The following USP9X variants were observed in gnomAD, a reference collection of about 807,000 sequenced individuals.
The protein encoded by USP9X is ubiquitin specific peptidase 9 X-linked, also known as ubiquitin carboxyl-terminal hydrolase 9X.
In USP9X, 7 loss-of-function variants were observed where a neutral mutation model predicts 190.3. That is an observed-to-expected ratio of 0.04 (90% CI 0.02 to 0.07). The LOEUF is 0.07. USP9X is among the 10% of genes least tolerant of loss of function. The pLI is 1.00. For missense variants in USP9X, 1,010 were observed against 1,916.9 expected (o/e 0.53, Z 8.83); for synonymous variants, 645 against 659.5 (o/e 0.98, Z 0.34).
At chrX:41,197,802 A>G (rs758712073) in intron 29 of USP9X, among the ~76,000 whole-genome samples, 2 of 110,252 alleles carry the variant, frequency 1.8e-5, no homozygotes, top group South Asian at 7.8e-4. Flanking sequence ...CTTGAGCCCA[A>G]GAGTTGAAGA....
At chrX:41,102,910 A>G (rs773702447) in intron 1 of USP9X, among the ~76,000 whole-genome samples, 2 of 110,627 alleles carry the variant, frequency 1.8e-5, no homozygotes, top group Non-Finnish European at 3.8e-5. Context: ...TCCCTGCTTC[A>G]ACTTCCCTAG....
intron 40 of USP9X, 42 bp from the exon 41 acceptor site, chrX:41,225,007 T>C: frequency 5.8e-6 from 7 of 1,208,617 alleles, no homozygotes; most frequent in Non-Finnish European, 6.7e-6. Flanking sequence ...TGATTTGTTA[T>C]TCCTTTCATT....
At chrX:41,191,110 C>T (rs1169907538) in intron 26 of USP9X, among the ~76,000 whole-genome samples, 1 of 110,440 alleles carries the variant, frequency 9.1e-6, no homozygotes, top group Non-Finnish European at 1.9e-5. Context: ...GGTGGATCAC[C>T]TGAGGTCAGG....
chrX:41,129,135 A>G lies in USP9X; in HGVS notation c.232A>G (p.Met78Val), dbSNP rs757804699. The G allele has an allele frequency of 2.5e-6, 3 of 1,208,786 alleles. No homozygotes were observed. The highest frequency in any genetic ancestry group is 3.4e-6 in the Non-Finnish European group (3 of 894,881). ...TACTGACTTGGCCAAGTTGGATGAC[A>G]TGATCAACAGGTGAGTTGGTGTGTA... ...PHTDLAKLDD[M>V]INRPRWVVPV... is the part of the protein sequence containing the mutation. The change falls in exon 3 of 45, where the codon ATG (methionine) becomes GTG (valine). Residue 78 changes from methionine to valine, a missense_variant. Physicochemically the swap from Met to Val is conservative, Grantham distance 21 (BLOSUM62 1). This residue lies in a region of USP9X where 176 missense variants were observed against 247.5 expected (regional missense o/e 0.71). Coordinates refer to ENST00000378308, the MANE Select transcript of USP9X (RefSeq NM_001039591.3).
chrX:41,198,188 A>G (rs1431854954), intron 29 of USP9X, among the ~76,000 whole-genome samples: 3 of 112,132 alleles, frequency 2.7e-5, no homozygotes, highest in Admixed American at 1.9e-4. Context: ...CAAGGAAACA[A>G]AGTTTCATTT....
At chrX:41,171,793 A>T (rs775088359) in intron 20 of USP9X, 45 bp from the exon 21 acceptor site, 1 of 1,180,889 alleles carries the variant, frequency 8.5e-7, no homozygotes, top group African/African-American at 1.8e-5. Flanking sequence ...ATAAAACGGG[A>T]GTAAATAATT....
chrX:41,128,977 G>A (rs746092012), intron 2 of USP9X, 23 bp from the exon 3 acceptor site: 40 of 1,197,014 alleles, frequency 3.3e-5, no homozygotes, highest in Non-Finnish European at 4.3e-5. Context: ...ACTTAAATGT[G>A]GAATGTTTAA....
At chrX:41,145,164 C>T (rs892701227) in intron 11 of USP9X, among the ~76,000 whole-genome samples, 1 of 111,469 alleles carries the variant, frequency 9.0e-6, no homozygotes, top group Non-Finnish European at 1.9e-5. Flanking sequence ...GGATTAAGAA[C>T]GTAACTTTTT....
chrX:41,185,864 G>A (rs766885699), intron 23 of USP9X, among the ~76,000 whole-genome samples: 2 of 110,729 alleles, frequency 1.8e-5, no homozygotes, highest in Admixed American at 1.9e-4. Flanking sequence ...ATCTCAACGA[G>A]CTCACAGTAG....
intron 1 of USP9X, among the ~76,000 whole-genome samples, chrX:41,120,718 T>C (rs923180745): frequency 1.8e-5 from 2 of 111,081 alleles, no homozygotes; most frequent in African/African-American, 6.6e-5. Context: ...CAGGATGGTC[T>C]TGATCTCCTG....
intron 29 of USP9X, 133 bp downstream of exon 29, chrX:41,197,643 C>T (rs992766023): frequency 3.4e-6 from 2 of 584,009 alleles, no homozygotes; most frequent in South Asian, 5.4e-5. Context: ...GAATCTTTAT[C>T]AAATTTACAG....
chrX:41,207,281 C>T (rs1180827237), intron 32 of USP9X, among the ~76,000 whole-genome samples: 2 of 108,634 alleles, frequency 1.8e-5, no homozygotes, highest in Admixed American at 9.8e-5. Flanking sequence ...GATAGGGTTT[C>T]GCCGTGTTGG....
At chrX:41,207,978 T>C (rs917920728) in intron 32 of USP9X, among the ~76,000 whole-genome samples, 2 of 110,823 alleles carry the variant, frequency 1.8e-5, no homozygotes, top group African/African-American at 3.3e-5. Context: ...TTAAGGCTAT[T>C]TTAGCATTTC....
At chrX:41,167,669 TCTTGC>T in intron 17 of USP9X, 92 bp downstream of exon 17, 1 of 641,453 alleles carries the variant, frequency 1.6e-6, no homozygotes, top group Non-Finnish European at 2.3e-6. Flanking sequence ...TCTAAATGAA[TCTTGC>T]CTTGTTAGTT....
intron 14 of USP9X, among the ~76,000 whole-genome samples, chrX:41,162,177 C>T (rs2062639521): frequency 9.0e-6 from 1 of 111,627 alleles, no homozygotes; most frequent in African/African-American, 3.3e-5. Flanking sequence ...TCCAAAAGAG[C>T]TTACATAATT....
At chrX:41,223,595 G>T (rs1477598681) in intron 39 of USP9X, among the ~76,000 whole-genome samples, 193 bp downstream of exon 39, 1 of 110,808 alleles carries the variant, frequency 9.0e-6, no homozygotes, top group Non-Finnish European at 1.9e-5. Flanking sequence ...CCACCACCAC[G>T]CCCGGCTAAT....
At chrX:41,228,251 G>GAT (rs779591220) in intron 41 of USP9X, among the ~76,000 whole-genome samples, 255 of 111,945 alleles carry the variant, frequency 2.3e-3, no homozygotes, top group African/African-American at 7.7e-3. Context: ...TTGTTTTATG[G>GAT]ATATATATAC....
chrX:41,167,530 C>T lies in USP9X; in HGVS notation c.2377C>T (p.Leu793Phe), dbSNP rs1448081023. ...TATTGCCAGCAGAGCTATAGATCTC[C>T]TCAAAGAGATATACACGAACCTTGG... ...DDIASRAIDL[L>F]KEIYTNLGPR... The change falls in exon 17 of 45, where the codon CTC becomes TTC. Residue 793 changes from leucine to phenylalanine, a missense_variant. By Grantham distance (22) the Leu-to-Phe change is conservative. Transcript: ENST00000378308. The T allele has an allele frequency of 1.7e-6, 2 of 1,207,871 alleles. No homozygotes were observed. Among genetic ancestry groups the T allele is most frequent in the Non-Finnish European group, 2.2e-6 (2 of 893,378 alleles).
intron 1 of USP9X, among the ~76,000 whole-genome samples, chrX:41,091,122 ATTC>A (rs1406637684): frequency 9.0e-6 from 1 of 111,316 alleles, no homozygotes; most frequent in East Asian, 2.8e-4. Flanking sequence ...GTTTTCTGGC[ATTC>A]TTTTATGTAC....
Sources: gnomAD v4.1 joint callset for allele counts (sites outside exome capture counted in the v4.1 genomes callset) on GRCh38, gnomAD v4.1.1 for gene constraint, gnomAD v4.1.1 regional missense constraint, MANE v1.5 for transcripts, NCBI Gene and HGNC (gene_info 2026-07-23, HGNC 2026-07-21) for gene names.